XPA: variants seen among roughly 807,000 people sequenced by gnomAD.
XPA encodes the protein DNA repair protein complementing XP-A cells.
A neutral mutation model predicts 35.7 loss-of-function variants in XPA; 27 were observed. That is an observed-to-expected ratio of 0.76 (90% CI 0.56 to 1.04). The LOEUF is 1.04. Ranked by LOEUF, XPA falls within the 50% of genes least tolerant of loss-of-function variation. The pLI, the probability that XPA is intolerant of heterozygous loss-of-function variation, is 0.00. For synonymous variants in XPA, 133 were observed against 118.4 expected, an observed-to-expected ratio of 1.12 and a Z score of -0.80; for missense variants, 354 against 342.7, an observed-to-expected ratio of 1.03 and a Z score of -0.26.
At chr9:97,666,511 G>T in the XPA span, among the ~76,000 whole-genome samples, 2 of 152,162 alleles carry the variant, frequency 1.3e-5, no homozygotes, top group Non-Finnish European at 1.5e-5. Context: ...GGTAAGGGAT[G>T]GAAATAAGAA....
At chr9:97,657,926 AT>A in the XPA span, among the ~76,000 whole-genome samples, 16,432 of 90,404 alleles carry the variant, frequency 0.18, 1,333 homozygotes, top group Non-Finnish European at 0.23. Context: ...ATATATATAT[AT>A]TTTTTTTTTT....
At chr9:97,658,066 T>C in the XPA span, among the ~76,000 whole-genome samples, 1 of 152,020 alleles carries the variant, frequency 6.6e-6, no homozygotes, top group Non-Finnish European at 1.5e-5. Flanking sequence ...TAGTTTCTAG[T>C]AAAGTAGTAA....
chr9:97,668,282 C>A, the XPA span, among the ~76,000 whole-genome samples: 1 of 152,066 alleles, frequency 6.6e-6, no homozygotes, highest in Non-Finnish European at 1.5e-5. Context: ...TTTTCTTTTC[C>A]TTTAAAAAGA....
chr9:97,677,544 T>A (rs75373620), intron 5 of XPA, among the ~76,000 whole-genome samples: 2 of 151,948 alleles, frequency 1.3e-5, no homozygotes, highest in African/African-American at 4.8e-5. Context: ...AAAATTTTTT[T>A]AATTAGCTAG....
At chr9:97,687,075 T>G (rs763786757) in intron 4 of XPA, 21 bp downstream of exon 4, 1 of 1,593,598 alleles carries the variant, frequency 6.3e-7, no homozygotes, top group East Asian at 2.2e-5. Flanking sequence ...TGAAAAATAA[T>G]AAATACAACT....
chr9:97,690,399 G>GT (rs1004416769), intron 2 of XPA, among the ~76,000 whole-genome samples: 1 of 150,962 alleles, frequency 6.6e-6, no homozygotes, highest in Non-Finnish European at 1.5e-5. Flanking sequence ...GTTTTGTTTT[G>GT]TTTTTTGAGA....
downstream of XPA, chr9:97,671,205 A>G: frequency 6.4e-7 from 1 of 1,566,236 alleles, no homozygotes; most frequent in African/African-American, 1.4e-5. Context: ...CCTAAGGGTC[A>G]TTTTTTCCTC....
At chr9:97,692,354 C>T (rs996559156) in intron 2 of XPA, among the ~76,000 whole-genome samples, 15 of 151,976 alleles carry the variant, frequency 9.9e-5, no homozygotes, top group African/African-American at 3.6e-4. Context: ...TCAAAATATT[C>T]CTATCACTGC....
downstream of XPA, chr9:97,674,780 C>G (rs1271553852): frequency 1.6e-5 from 6 of 380,120 alleles, no homozygotes. Context: ...ACATCAGTGC[C>G]TTCTTTGATC....
intron 5 of XPA, chr9:97,682,172 C>G: frequency 2.4e-6 from 1 of 421,014 alleles, no homozygotes. Context: ...AGATCATATT[C>G]TCAAAGCAGG....
At chr9:97,693,259 AG>A (rs1439871622) in intron 2 of XPA, among the ~76,000 whole-genome samples, 1 of 152,174 alleles carries the variant, frequency 6.6e-6, no homozygotes, top group Non-Finnish European at 1.5e-5. Flanking sequence ...ATACTTTGTA[AG>A]CTGCTTTCTT....
At chr9:97,677,124 G>A (rs561714597) in intron 5 of XPA, among the ~76,000 whole-genome samples, 7 of 151,574 alleles carry the variant, frequency 4.6e-5, no homozygotes, top group South Asian at 2.1e-4. Context: ...TTACTGCAGC[G>A]CAATCATGCT....
At position 97,675,044 on chromosome 9, in the gene XPA, C is replaced by T. The variant is rs938310323; in HGVS notation, c.*395G>A. 2 of 531,420 alleles carry T rather than the reference C, an allele frequency of 3.8e-6. No individual in the cohort carries two copies. The highest frequency in any genetic ancestry group is 4.5e-5 in the Admixed American group (2 of 44,934). The allele number at this position is 531,420 out of a possible 1,614,324, so 32.9% of individuals were successfully genotyped here. Reference sequence around the variant, plus strand: ...CTAGAACCTGGGGTACAGTGGTGCACCACCATTGCTATTATTTGTTTCTTG... The same window carrying T: ...CTAGAACCTGGGGTACAGTGGTGCATCACCATTGCTATTATTTGTTTCTTG... On this transcript the variant is annotated 3_prime_UTR_variant, in exon 6 of 6. Transcript: ENST00000375128.
the XPA span, chr9:97,662,898 CTAAAATGT>C: frequency 3.8e-6 from 5 of 1,320,448 alleles, no homozygotes; most frequent in East Asian, 1.2e-4. Flanking sequence ...TTTGAAAACA[CTAAAATGT>C]TTAATGAATA....
rs551573078 is a variant in XPA at position 97,676,489 on chromosome 9, T to C, written c.674-902A>G. Among the ~76,000 whole-genome samples the C allele has an allele frequency of 3.9e-5, 6 of 152,338 alleles. No homozygotes were observed. The South Asian group carries it at 1.2e-3, about 32-fold the overall frequency. On this transcript the variant is annotated intron_variant, in intron 5 of 5. Transcript: ENST00000375128. Reference sequence around the variant, plus strand: ...TGGCATTACCTAAGGGAGATTATGATAGCTGTCTTGTATAATCTCAGCTAT... The same window carrying C: ...TGGCATTACCTAAGGGAGATTATGACAGCTGTCTTGTATAATCTCAGCTAT...
downstream of XPA, chr9:97,671,780 T>G (rs1474490304): frequency 6.6e-6 from 1 of 152,216 alleles, no homozygotes; most frequent in South Asian, 2.1e-4. Context: ...GTGTTACTAG[T>G]TGGAAGAGTA....
At chr9:97,655,963 A>G in the XPA span, 3 of 1,526,336 alleles carry the variant, frequency 2.0e-6, no homozygotes, top group Non-Finnish European at 2.7e-6. Context: ...AAATGGGTGT[A>G]AGTGCAGATT....
intron 1 of XPA, 24 bp downstream of exon 1, chr9:97,697,097 G>A: frequency 6.6e-7 from 1 of 1,523,418 alleles, no homozygotes; most frequent in African/African-American, 1.4e-5. Context: ...AGAGGGAAGG[G>A]GAAAGCGCGG....
At chr9:97,654,580 A>C in the XPA span, among the ~76,000 whole-genome samples, 1 of 147,184 alleles carries the variant, frequency 6.8e-6, no homozygotes, top group Admixed American at 7.7e-5. Context: ...AAAAAAAAAG[A>C]AGCAATTTCT....
Sources: gnomAD v4.1 joint callset for allele counts (sites outside exome capture counted in the v4.1 genomes callset) on GRCh38, gnomAD v4.1.1 for gene constraint, MANE v1.5 for transcripts, NCBI Gene and HGNC (gene_info 2026-07-23, HGNC 2026-07-21) for gene names.